POLN: variants seen among roughly 807,000 people sequenced by gnomAD.
POLN encodes the protein DNA polymerase N.
A neutral mutation model predicts 113.5 loss-of-function variants in POLN; 108 were observed. The ratio of observed to expected loss-of-function variants is 0.95; its 90% CI spans 0.81 to 1.12. The LOEUF (loss-of-function observed/expected upper bound fraction) is 1.12, where lower values mean the gene tolerates loss of function less well. POLN is among the 50% of genes most tolerant of loss of function. POLN has a pLI of 0.00. For synonymous variants in POLN, 386 were observed against 391.5 expected (o/e 0.99, Z 0.17); for missense variants, 1,097 against 1,077.1 (o/e 1.02, Z -0.26).
At chr4:2,222,031 C>T (rs1461558852) in intron 3 of POLN, among the ~76,000 whole-genome samples, 1 of 152,192 alleles carries the variant, frequency 6.6e-6, no homozygotes, top group Non-Finnish European at 1.5e-5. Flanking sequence ...TCAGGACTTC[C>T]TAAGGCTGTG....
At chr4:2,130,768 C>T (rs1485369767) in intron 17 of POLN, among the ~76,000 whole-genome samples, 1 of 152,156 alleles carries the variant, frequency 6.6e-6, no homozygotes, top group Non-Finnish European at 1.5e-5. Context: ...TACCATATCA[C>T]TTTAGCTGTT....
At chr4:2,190,023 C>CAAA (rs58730240) in intron 7 of POLN, among the ~76,000 whole-genome samples, 1 of 86,126 alleles carries the variant, frequency 1.2e-5, no homozygotes, top group Admixed American at 1.2e-4. Context: ...GACTCCATCT[C>CAAA]AAAAAAAAAA....
At chr4:2,135,607 A>G (rs1731836328) in intron 16 of POLN, among the ~76,000 whole-genome samples, 1 of 152,216 alleles carries the variant, frequency 6.6e-6, no homozygotes, top group African/African-American at 2.4e-5. Flanking sequence ...GTGAACTACC[A>G]AAGACCGAGG....
intron 5 of POLN, among the ~76,000 whole-genome samples, chr4:2,205,895 C>T (rs917427500): frequency 1.4e-4 from 20 of 146,462 alleles, no homozygotes; most frequent in Non-Finnish European, 2.5e-4. Flanking sequence ...AAAAAAAAAT[C>T]TTAAAATTCA....
chr4:2,078,117 G>C (rs1257302377), intron 23 of POLN, among the ~76,000 whole-genome samples: 1 of 152,240 alleles, frequency 6.6e-6, no homozygotes, highest in Non-Finnish European at 1.5e-5. Flanking sequence ...ACTGCTCTGT[G>C]GACTCATCCT....
Position 2,126,959 on chromosome 4 carries a change from G to A in POLN, c.1982+1154C>T, listed in dbSNP as rs377762825. Among the ~76,000 whole-genome samples, 127 of 152,168 alleles carry A rather than the reference G, an allele frequency of 8.3e-4. No homozygotes were observed. The highest frequency in any genetic ancestry group is 2.9e-3 in the African/African-American group (121 of 41,504). On this transcript the variant is annotated intron_variant, in intron 19 of 25. Coordinates refer to ENST00000511885, the MANE Select transcript of POLN (RefSeq NM_181808.4). This position sits in a 1 kb window ranked among gnomAD's most constrained non-coding sequence, Gnocchi z 4.6. ...CATGGGGAGGGGAGTGCAGGGGGCC[G>A]GCCTAGTGAGGGGCTGAAGGACAGA...
chr4:2,081,793 G>A, intron 21 of POLN, 50 bp from the exon 22 acceptor site: 1 of 1,506,950 alleles, frequency 6.6e-7, no homozygotes. Context: ...AGGCACCACA[G>A]CAGGTGCAGC....
intron 24 of POLN, among the ~76,000 whole-genome samples, chr4:2,074,955 C>T (rs2108686219): frequency 6.6e-6 from 1 of 152,266 alleles, no homozygotes; most frequent in East Asian, 1.9e-4. Flanking sequence ...GGCCGTGTAG[C>T]TCAGCAGAGA....
chr4:2,117,320 G>T (rs1731341584), intron 19 of POLN, among the ~76,000 whole-genome samples: 1 of 152,098 alleles, frequency 6.6e-6, no homozygotes, highest in Non-Finnish European at 1.5e-5. Context: ...TTTAGGGAGG[G>T]GTAATAAATA....
intron 5 of POLN, among the ~76,000 whole-genome samples, chr4:2,201,481 C>T (rs1733714145): frequency 6.6e-6 from 1 of 151,338 alleles, no homozygotes; most frequent in Non-Finnish European, 1.5e-5. Flanking sequence ...TTCAAATTAA[C>T]CCAATCCAAC....
chr4:2,176,141 TA>T, intron 9 of POLN, 124 bp downstream of exon 9: 1 of 777,848 alleles, frequency 1.3e-6, no homozygotes, highest in Non-Finnish European at 2.2e-6. Context: ...ATGCACAGGT[TA>T]ATTTGTTCTT....
intron 11 of POLN, among the ~76,000 whole-genome samples, chr4:2,173,641 T>G (rs1732920601): frequency 6.6e-6 from 1 of 152,144 alleles, no homozygotes; most frequent in South Asian, 2.1e-4. Flanking sequence ...CATCTCTGTA[T>G]TTTTGTTTTT....
intron 7 of POLN, among the ~76,000 whole-genome samples, chr4:2,189,590 G>C (rs1413207563): frequency 6.7e-6 from 1 of 148,884 alleles, no homozygotes; most frequent in Non-Finnish European, 1.5e-5. Context: ...AGTAAGCCAA[G>C]ATTGTGCCAC....
chr4:2,190,683 G>A (rs1733417629), intron 7 of POLN, among the ~76,000 whole-genome samples: 1 of 151,512 alleles, frequency 6.6e-6, no homozygotes, highest in Non-Finnish European at 1.5e-5. Context: ...CTCAATAGGG[G>A]GAAAACATGA....
rs769669941 is a variant in POLN at position 2,072,023 on chromosome 4, G to C, written c.*91C>G. On this transcript the variant is annotated 3_prime_UTR_variant, in exon 26 of 26. Transcript: ENST00000511885. ...GCCACCCCAGCCCCAAAGGGTTAAT[G>C]CGTCCTGGGGCGTACAGAGCTGGTG... 2.8e-6 allele frequency: 4 copies of C among 1,426,930 alleles called. No individual in the cohort carries two copies. 88.4% of individuals were successfully genotyped at this position (1,426,930 alleles called of 1,614,324 possible). A position where few individuals can be genotyped will look rare whatever the true frequency, so the allele number is the denominator to read the frequency against.
chr4:2,177,079 G>A (rs960722987), intron 8 of POLN, among the ~76,000 whole-genome samples: 2 of 152,152 alleles, frequency 1.3e-5, no homozygotes, highest in Non-Finnish European at 2.9e-5. Flanking sequence ...TCCTGTGAAT[G>A]TTGGGAGAAC....
At chr4:2,147,643 CTTT>C (rs747184067) in intron 16 of POLN, among the ~76,000 whole-genome samples, 45 of 79,362 alleles carry the variant, frequency 5.7e-4, no homozygotes, top group Non-Finnish European at 9.5e-4. Context: ...TTTTTCTTTT[CTTT>C]TTTTTTTTTT....
At chr4:2,159,298 T>C in intron 13 of POLN, 87 bp from the exon 14 acceptor site, 1 of 1,113,506 alleles carries the variant, frequency 9.0e-7, no homozygotes, top group Non-Finnish European at 1.3e-6. Context: ...GTCCTCATAA[T>C]AAATGGTCTA....
intron 24 of POLN, among the ~76,000 whole-genome samples, chr4:2,075,049 C>A (rs1730243111): frequency 6.6e-6 from 1 of 152,210 alleles, no homozygotes; most frequent in Admixed American, 6.5e-5. Flanking sequence ...ACACCCCCAA[C>A]AAGAACACCT....
Sources: gnomAD v4.1 joint callset for allele counts (sites outside exome capture counted in the v4.1 genomes callset) on GRCh38, gnomAD v4.1.1 for gene constraint, Gnocchi (gnomAD v3.1) non-coding constraint, MANE v1.5 for transcripts, NCBI Gene and HGNC (gene_info 2026-07-23, HGNC 2026-07-21) for gene names.